Variants in KCNAB1 observed in about 807,000 individuals in gnomAD.
KCNAB1 encodes the protein potassium voltage-gated channel subfamily A regulatory beta subunit 1.
In KCNAB1, 35 loss-of-function variants were observed where a neutral mutation model predicts 64.6. That is an observed-to-expected ratio of 0.54 (90% CI 0.41 to 0.72). The LOEUF is 0.72. KCNAB1 is among the 30% of genes least tolerant of loss of function. The pLI, the probability that KCNAB1 is intolerant of heterozygous loss-of-function variation, is 0.00. For synonymous variants in KCNAB1, 177 were observed against 183.8 expected (o/e 0.96, Z 0.30); for missense variants, 401 against 512.9 (o/e 0.78, Z 2.11).
At chr3:156,361,337 G>A (rs1257109242) in intron 1 of KCNAB1, among the ~76,000 whole-genome samples, 2 of 152,204 alleles carry the variant, frequency 1.3e-5, no homozygotes, top group East Asian at 3.9e-4. Flanking sequence ...TTTCAGTGAA[G>A]CCATCAGCAC....
intron 1 of KCNAB1, among the ~76,000 whole-genome samples, chr3:156,294,939 T>C (rs1306141794): frequency 6.6e-6 from 1 of 152,208 alleles, no homozygotes; most frequent in African/African-American, 2.4e-5. Flanking sequence ...TTAGTCAGCA[T>C]AGTCAATAAA....
Position 156,452,877 on chromosome 3 carries a change from G to C in KCNAB1, c.320-22G>C. 1 of 1,543,774 alleles carries C rather than the reference G, an allele frequency of 6.5e-7. No individual in the cohort carries two copies. Among genetic ancestry groups the C allele is most frequent in the East Asian group, 2.3e-5 (1 of 44,190 alleles). On this transcript the variant is annotated intron_variant, in intron 2 of 13. Transcript: ENST00000490337. The surrounding 1 kb of genome is among the most constrained non-coding windows in gnomAD (Gnocchi z 4.6). ...TTAGAAAAATGATGATGAATAATAT[G>C]CAAATATTTATTATTTTCTAGGAAC...
At chr3:156,124,325 G>T (rs1435731524) in intron 1 of KCNAB1, among the ~76,000 whole-genome samples, 1 of 150,928 alleles carries the variant, frequency 6.6e-6, no homozygotes, top group African/African-American at 2.4e-5. Flanking sequence ...CGAGCGATTC[G>T]CCTGCCTCAG....
chr3:156,182,705 T>TA (rs1712917449), intron 1 of KCNAB1, among the ~76,000 whole-genome samples: 1 of 150,502 alleles, frequency 6.6e-6, no homozygotes, highest in African/African-American at 2.4e-5. Flanking sequence ...ATTTTTTTTT[T>TA]TTTTTTTTAT....
intron 8 of KCNAB1, among the ~76,000 whole-genome samples, chr3:156,479,468 A>C (rs1232026981): frequency 1.3e-5 from 2 of 152,020 alleles, no homozygotes; most frequent in African/African-American, 4.8e-5. Flanking sequence ...CACCAGGCTA[A>C]TATCTCTACC....
chr3:156,336,836 T>A (rs1277967793), intron 1 of KCNAB1, among the ~76,000 whole-genome samples: 2 of 152,232 alleles, frequency 1.3e-5, no homozygotes, highest in Non-Finnish European at 1.5e-5. Context: ...ATGCCCAGAT[T>A]CATAAGCAAC....
At chr3:156,536,559 G>C in intron 13 of KCNAB1, 99 bp from the exon 14 acceptor site, 1 of 817,528 alleles carries the variant, frequency 1.2e-6, no homozygotes, top group Non-Finnish European at 2.1e-6. Flanking sequence ...GGTTTATGAA[G>C]ATATATGATT....
At chr3:156,287,437 C>T (rs1720162409) in intron 1 of KCNAB1, among the ~76,000 whole-genome samples, 1 of 151,434 alleles carries the variant, frequency 6.6e-6, no homozygotes. Flanking sequence ...TATATGGTGA[C>T]TCTTGATAAA....
intron 1 of KCNAB1, among the ~76,000 whole-genome samples, chr3:156,395,336 G>A (rs966997000): frequency 2.0e-5 from 3 of 149,296 alleles, no homozygotes; most frequent in Non-Finnish European, 4.4e-5. Context: ...ACGAGGTCAG[G>A]AGATCGAGAC....
At chr3:156,507,110 T>A (rs953499798) in intron 8 of KCNAB1, among the ~76,000 whole-genome samples, 1 of 152,178 alleles carries the variant, frequency 6.6e-6, no homozygotes, top group Non-Finnish European at 1.5e-5. Context: ...CGATGACAGA[T>A]CACAGAACTT....
chr3:156,345,775 A>G (rs1296237089), intron 1 of KCNAB1, among the ~76,000 whole-genome samples: 1 of 152,242 alleles, frequency 6.6e-6, no homozygotes, highest in Non-Finnish European at 1.5e-5. Context: ...AATTTGCACT[A>G]GAAATGGAGG....
intron 1 of KCNAB1, among the ~76,000 whole-genome samples, chr3:156,172,742 T>C (rs1268965126): frequency 6.6e-6 from 1 of 152,138 alleles, no homozygotes; most frequent in African/African-American, 2.4e-5. Flanking sequence ...GACAAGGGGA[T>C]AAAACCGTAG....
At chr3:156,253,411 C>T (rs971837218) in intron 1 of KCNAB1, among the ~76,000 whole-genome samples, 1 of 152,176 alleles carries the variant, frequency 6.6e-6, no homozygotes, top group Non-Finnish European at 1.5e-5. Flanking sequence ...AGCTCTGCCT[C>T]AGTTCTATTC....
At chr3:156,514,989 T>C (rs1258128811) in intron 9 of KCNAB1, 111 bp from the exon 10 acceptor site, 1 of 1,095,466 alleles carries the variant, frequency 9.1e-7, no homozygotes, top group Non-Finnish European at 1.3e-6. Context: ...TCCTACATGT[T>C]TCTTGGTTTG....
At chr3:156,408,360 T>C (rs1047393310) in intron 1 of KCNAB1, among the ~76,000 whole-genome samples, 4 of 152,218 alleles carry the variant, frequency 2.6e-5, no homozygotes, top group African/African-American at 9.6e-5. Context: ...TGCAACCTGC[T>C]GGATGTGCGG....
At chr3:156,345,217 A>G (rs73873321) in intron 1 of KCNAB1, among the ~76,000 whole-genome samples, 3,708 of 152,330 alleles carry the variant, frequency 0.024, 71 homozygotes, top group African/African-American at 0.061. Flanking sequence ...TCAGAAATAA[A>G]TGTATTACTT....
intron 11 of KCNAB1, among the ~76,000 whole-genome samples, chr3:156,522,185 T>G (rs1478229264): frequency 2.0e-5 from 3 of 151,380 alleles, no homozygotes; most frequent in East Asian, 1.9e-4. Context: ...CTAATACTAA[T>G]AAGAAGCAAT....
intron 1 of KCNAB1, among the ~76,000 whole-genome samples, chr3:156,271,831 TTCTTG>T (rs1719054967): frequency 1.3e-5 from 2 of 152,234 alleles, no homozygotes; most frequent in Non-Finnish European, 2.9e-5. Flanking sequence ...GTACCCATCC[TTCTTG>T]GGAAGGCTTT....
intron 8 of KCNAB1, among the ~76,000 whole-genome samples, chr3:156,503,342 A>G (rs1007326705): frequency 3.9e-5 from 6 of 152,256 alleles, no homozygotes; most frequent in African/African-American, 1.2e-4. Context: ...TAATGAGGAT[A>G]GAGTAGAAAG....
Sources: allele counts gnomAD v4.1 joint callset (sites outside exome capture counted in the v4.1 genomes callset), GRCh38; gene constraint gnomAD v4.1.1; non-coding constraint Gnocchi (gnomAD v3.1); transcripts MANE v1.5; gene names NCBI Gene and HGNC (gene_info 2026-07-23, HGNC 2026-07-21).